The following SSH2 variants were observed in gnomAD, a reference collection of about 807,000 sequenced individuals.
SSH2 encodes protein phosphatase Slingshot homolog 2.
Under a neutral mutation model 135.2 loss-of-function variants are expected in SSH2, and 37 were observed. The ratio of observed to expected loss-of-function variants is 0.27; its 90% CI spans 0.21 to 0.36. The LOEUF (loss-of-function observed/expected upper bound fraction) is 0.36. SSH2 is among the 10% of genes least tolerant of loss of function. The pLI is 1.00. For missense variants in SSH2, 1,408 were observed against 1,765.3 expected, an observed-to-expected ratio of 0.80 and a Z score of 3.63; for synonymous variants, 628 against 646.2, an observed-to-expected ratio of 0.97 and a Z score of 0.43.
intron 1 of SSH2, chr17:29,925,405 T>C (rs1193136855): frequency 2.5e-6 from 1 of 396,860 alleles, no homozygotes; most frequent in Non-Finnish European, 4.4e-6. Flanking sequence ...CTACAGTCAA[T>C]AATAATATAT....
At chr17:29,735,607 G>C (rs1442071672) in intron 3 of SSH2, among the ~76,000 whole-genome samples, 2 of 149,448 alleles carry the variant, frequency 1.3e-5, no homozygotes, top group Non-Finnish European at 3.0e-5. Context: ...TGAGACAGGA[G>C]AATCACTTGA....
chr17:29,796,471 G>GAGGAAAA (rs2042157775), intron 2 of SSH2, among the ~76,000 whole-genome samples: 1 of 152,116 alleles, frequency 6.6e-6, no homozygotes, highest in South Asian at 2.1e-4. Context: ...TTCCTGAGTA[G>GAGGAAAA]CTAGGATTAC....
At chr17:29,888,676 G>A (rs2066285957) in intron 1 of SSH2, among the ~76,000 whole-genome samples, 1 of 151,864 alleles carries the variant, frequency 6.6e-6, no homozygotes, top group African/African-American at 2.4e-5. Context: ...GGCTATGCCT[G>A]TAATCCCAGC....
intron 3 of SSH2, among the ~76,000 whole-genome samples, chr17:29,779,569 G>A (rs2041791461): frequency 6.6e-6 from 1 of 152,044 alleles, no homozygotes; most frequent in African/African-American, 2.4e-5. Flanking sequence ...GCTGGGCATG[G>A]TAGTTTACGC....
At chr17:29,755,629 T>C (rs1020529619) in intron 3 of SSH2, among the ~76,000 whole-genome samples, 5 of 151,966 alleles carry the variant, frequency 3.3e-5, no homozygotes, top group African/African-American at 1.2e-4. Context: ...AGGATCTCAC[T>C]TTGGTCTATT....
chr17:29,705,231 G>A (rs1447259321), intron 3 of SSH2, among the ~76,000 whole-genome samples: 1 of 151,932 alleles, frequency 6.6e-6, no homozygotes, highest in Admixed American at 6.6e-5. Flanking sequence ...CTATCACACT[G>A]GTCCATGGCA....
rs190825401 is a variant in SSH2 at position 29,884,754 on chromosome 17, A to G, written c.64-35825T>C. Among the ~76,000 whole-genome samples, 535 of 152,194 alleles carry G rather than the reference A, an allele frequency of 3.5e-3. 4 individuals carry two copies. The highest frequency in any genetic ancestry group is 3.4e-3 in the Non-Finnish European group (228 of 68,000). On this transcript the variant is annotated intron_variant, in intron 1 of 15. Coordinates refer to ENST00000540801, the MANE Select transcript of SSH2 (RefSeq NM_001282129.2). ...CCTCATAATCCATCATCAGGCCTCT[A>G]CCACTTCACTTTTTATATATTTCTG...
intron 11 of SSH2, among the ~76,000 whole-genome samples, chr17:29,658,792 G>A (rs1196181009): frequency 1.3e-5 from 2 of 150,926 alleles, no homozygotes; most frequent in Admixed American, 6.6e-5. Flanking sequence ...ACTTGAACCT[G>A]GGAGGTGGAG....
intron 1 of SSH2, among the ~76,000 whole-genome samples, chr17:29,914,012 A>C (rs1301157000): frequency 6.6e-6 from 1 of 152,202 alleles, no homozygotes; most frequent in Non-Finnish European, 1.5e-5. Context: ...CAAGAAAATA[A>C]GGTTGTCATT....
At chr17:29,796,624 A>G (rs2042161249) in intron 2 of SSH2, among the ~76,000 whole-genome samples, 2 of 152,186 alleles carry the variant, frequency 1.3e-5, no homozygotes, top group South Asian at 4.1e-4. Flanking sequence ...TATAGGCGTG[A>G]GCCACCATGC....
chr17:29,871,271 CCTGCATTTTG>C (rs1325177090), intron 1 of SSH2, among the ~76,000 whole-genome samples: 1 of 152,004 alleles, frequency 6.6e-6, no homozygotes, highest in Admixed American at 6.6e-5. Context: ...GGCAGTCTTG[CCTGCATTTTG>C]CCCATTGGTG....
chr17:29,701,022 G>A (rs1040046448), intron 4 of SSH2, among the ~76,000 whole-genome samples: 11 of 151,758 alleles, frequency 7.2e-5, no homozygotes. Flanking sequence ...CCAGGCTGGA[G>A]TGCAGTGGCG....
At chr17:29,724,775 A>T (rs2039944131) in intron 3 of SSH2, among the ~76,000 whole-genome samples, 1 of 150,376 alleles carries the variant, frequency 6.6e-6, no homozygotes, top group Non-Finnish European at 1.5e-5. Flanking sequence ...ATTTTAGTAG[A>T]GACAAGGTTT....
chr17:29,713,754 C>T (rs1259657244), intron 3 of SSH2, among the ~76,000 whole-genome samples: 1 of 152,172 alleles, frequency 6.6e-6, no homozygotes, highest in African/African-American at 2.4e-5. Context: ...GAGACCAGAC[C>T]TTCTCATGAC....
At position 29,629,417 on chromosome 17, in the gene SSH2, T is replaced by C. The variant is rs1333234964; in HGVS notation, c.*1424A>G. On this transcript the variant is annotated 3_prime_UTR_variant, in exon 16 of 16. Coordinates refer to ENST00000540801, the MANE Select transcript of SSH2 (RefSeq NM_001282129.2). ...GTCACGCTGTGACCTAATGGGAGCCTTTAGGGGTGTCTCTGAGGAAAAAGT... is the reference window on the plus strand; with the variant it reads ...GTCACGCTGTGACCTAATGGGAGCCCTTAGGGGTGTCTCTGAGGAAAAAGT... 2.6e-5 allele frequency: 4 copies of C among 152,668 alleles called. No individual in the cohort carries two copies. Among genetic ancestry groups the C allele is most frequent in the Non-Finnish European group, 5.9e-5 (4 of 68,042 alleles). 9.5% of individuals were successfully genotyped at this position (152,668 alleles called of 1,614,324 possible).
At chr17:29,726,238 G>A (rs2039999038) in intron 3 of SSH2, among the ~76,000 whole-genome samples, 1 of 152,196 alleles carries the variant, frequency 6.6e-6, no homozygotes, top group Admixed American at 6.5e-5. Flanking sequence ...GGTTAGGAGG[G>A]AAAAGAAAGG....
At chr17:29,903,285 A>AAT (rs981201818) in intron 1 of SSH2, among the ~76,000 whole-genome samples, 37 of 147,738 alleles carry the variant, frequency 2.5e-4, no homozygotes, top group African/African-American at 6.6e-4. Context: ...ATATATTTAA[A>AAT]ATATATATAT....
intron 3 of SSH2, among the ~76,000 whole-genome samples, chr17:29,711,592 A>C (rs532779576): frequency 6.6e-6 from 1 of 152,206 alleles, no homozygotes; most frequent in Non-Finnish European, 1.5e-5. Flanking sequence ...GCTGTTCAGC[A>C]ATAGATTTAT....
intron 3 of SSH2, among the ~76,000 whole-genome samples, chr17:29,780,182 A>G (rs2041808452): frequency 6.6e-6 from 1 of 152,114 alleles, no homozygotes; most frequent in Admixed American, 6.5e-5. Context: ...GTGCCATTGC[A>G]TTCCAGCCTG....
Sources: allele counts gnomAD v4.1 joint callset (sites outside exome capture counted in the v4.1 genomes callset), GRCh38; gene constraint gnomAD v4.1.1; transcripts MANE v1.5; gene names NCBI Gene and HGNC (gene_info 2026-07-23, HGNC 2026-07-21).